Variants in CYP2C19 observed in about 807,000 individuals in gnomAD.
The protein encoded by CYP2C19 is cytochrome P450 family 2 subfamily C member 19, also known as cytochrome P450 2C19.
A neutral mutation model predicts 40.9 loss-of-function variants in CYP2C19; 59 were observed. That is an observed-to-expected ratio of 1.44 (90% CI 1.17 to 1.79). The LOEUF is 1.79. CYP2C19 is among the 40% of genes most tolerant of loss of function. The probability of loss-of-function intolerance (pLI) is 0.00; values close to 1 mark genes in which losing one functional copy is unlikely to be tolerated. For missense variants in CYP2C19, 754 were observed against 596.9 expected, an observed-to-expected ratio of 1.26 and a Z score of -2.74; for synonymous variants, 253 against 208.7, an observed-to-expected ratio of 1.21 and a Z score of -1.83.
rs547316679 is a variant in CYP2C19, at chr10:94,817,858, A to G, written c.820-2638A>G. On this transcript the variant is annotated intron_variant, in intron 5 of 8. Coordinates refer to ENST00000371321, the MANE Select transcript of CYP2C19 (RefSeq NM_000769.4). ...GAAACCCCGTCTCTACTAAAAATAC[A>G]AAAAATTAGCCGGGCGTAGTGGCGG... Among the ~76,000 whole-genome samples, 1,107 of 151,782 alleles carry G rather than the reference A, an allele frequency of 7.3e-3. 5 individuals carry two copies. The highest frequency in any genetic ancestry group is 0.027 in the South Asian group (128 of 4,798).
intron 5 of CYP2C19, among the ~76,000 whole-genome samples, chr10:94,793,901 G>T (rs890544601): frequency 1.3e-5 from 2 of 152,150 alleles, no homozygotes; most frequent in African/African-American, 4.8e-5. Flanking sequence ...AGATAGGGAC[G>T]TTTAAGTCTG....
chr10:94,788,303 G>A (rs1005069711), intron 5 of CYP2C19, among the ~76,000 whole-genome samples: 1 of 152,094 alleles, frequency 6.6e-6, no homozygotes, highest in African/African-American at 2.4e-5. Context: ...TTCTAGGCCT[G>A]AGATGGGTCT....
chr10:94,765,397 T>A (rs1406323566), intron 1 of CYP2C19, among the ~76,000 whole-genome samples: 1 of 152,056 alleles, frequency 6.6e-6, no homozygotes, highest in African/African-American at 2.4e-5. Context: ...AAGAAGAATA[T>A]ACCTTGGCTG....
At chr10:94,793,765 C>A (rs1240452100) in intron 5 of CYP2C19, among the ~76,000 whole-genome samples, 2 of 152,136 alleles carry the variant, frequency 1.3e-5, no homozygotes, top group Non-Finnish European at 2.9e-5. Flanking sequence ...TGTCAGTCGG[C>A]CCCTACTAGG....
At chr10:94,798,156 C>T (rs538573482) in intron 5 of CYP2C19, among the ~76,000 whole-genome samples, 3 of 152,242 alleles carry the variant, frequency 2.0e-5, no homozygotes, top group Non-Finnish European at 4.4e-5. Flanking sequence ...CTACACACTG[C>T]TTTAAATGTG....
chr10:94,770,312 G>C (rs1195675159), intron 1 of CYP2C19, among the ~76,000 whole-genome samples: 2 of 152,086 alleles, frequency 1.3e-5, no homozygotes, highest in African/African-American at 4.8e-5. Context: ...ATGGGTGAGG[G>C]GGTGGCTTGT....
At chr10:94,779,618 T>C (rs1403955612) in intron 3 of CYP2C19, among the ~76,000 whole-genome samples, 2 of 150,372 alleles carry the variant, frequency 1.3e-5, no homozygotes, top group African/African-American at 4.9e-5. Context: ...TGAAGTGCAC[T>C]TGTGTGATAT....
intron 6 of CYP2C19, among the ~76,000 whole-genome samples, chr10:94,830,167 C>G (rs1849308734): frequency 6.6e-6 from 1 of 152,234 alleles, no homozygotes; most frequent in Admixed American, 6.5e-5. Context: ...CCTCCTTGAG[C>G]TGTGGTGGGC....
At chr10:94,828,250 G>A (rs1218761937) in intron 6 of CYP2C19, among the ~76,000 whole-genome samples, 7 of 151,064 alleles carry the variant, frequency 4.6e-5, no homozygotes, top group Non-Finnish European at 8.9e-5. Flanking sequence ...TCTGTCTAAT[G>A]TTGACAGTGG....
At chr10:94,841,649 G>A (rs1256769048) in intron 6 of CYP2C19, among the ~76,000 whole-genome samples, 1 of 152,096 alleles carries the variant, frequency 6.6e-6, no homozygotes, top group Non-Finnish European at 1.5e-5. Flanking sequence ...TTTCCTCTTA[G>A]TACTGGTTTT....
At chr10:94,781,703 A>T (rs1260008659) in intron 4 of CYP2C19, 118 bp from the exon 5 acceptor site, 1 of 423,548 alleles carries the variant, frequency 2.4e-6, no homozygotes, top group African/African-American at 2.1e-5. Context: ...TTTCCCCATC[A>T]AGATATACAA....
intron 5 of CYP2C19, among the ~76,000 whole-genome samples, chr10:94,818,498 A>T (rs1419728802): frequency 6.7e-6 from 1 of 148,572 alleles, no homozygotes; most frequent in Non-Finnish European, 1.5e-5. Context: ...CCATTTTCAC[A>T]ATATTGATTC....
chr10:94,828,487 C>T (rs1273988424), intron 6 of CYP2C19, among the ~76,000 whole-genome samples: 5 of 144,622 alleles, frequency 3.5e-5, no homozygotes, highest in Non-Finnish European at 6.1e-5. Flanking sequence ...GATTGCAACC[C>T]CTGCCTTTTT....
At chr10:94,767,727 G>A (rs892116740) in intron 1 of CYP2C19, among the ~76,000 whole-genome samples, 1 of 152,134 alleles carries the variant, frequency 6.6e-6, no homozygotes. Context: ...TGAAAAGTTT[G>A]GAGGAGGGTT....
chr10:94,768,614 C>T (rs1272377353), intron 1 of CYP2C19, among the ~76,000 whole-genome samples: 1 of 152,122 alleles, frequency 6.6e-6, no homozygotes, highest in Non-Finnish European at 1.5e-5. Flanking sequence ...CATGAGTAGT[C>T]CAGACAGTGA....
intron 5 of CYP2C19, among the ~76,000 whole-genome samples, chr10:94,789,925 T>G (rs1848585240): frequency 6.6e-6 from 1 of 152,158 alleles, no homozygotes; most frequent in Admixed American, 6.5e-5. Flanking sequence ...ATCTATAACT[T>G]ACCTTGGGCA....
intron 5 of CYP2C19, among the ~76,000 whole-genome samples, chr10:94,784,588 A>T (rs1315888029): frequency 3.3e-5 from 5 of 151,972 alleles, no homozygotes; most frequent in Non-Finnish European, 7.4e-5. Flanking sequence ...CCTCCTAGTG[A>T]ATGTAAAGTG....
At chr10:94,826,585 A>C (rs1192480284) in intron 6 of CYP2C19, among the ~76,000 whole-genome samples, 1 of 152,228 alleles carries the variant, frequency 6.6e-6, no homozygotes, top group South Asian at 2.1e-4. Flanking sequence ...TTCTAGATAT[A>C]CAATCATGTC....
At chr10:94,783,369 C>T (rs1443656370) in intron 5 of CYP2C19, among the ~76,000 whole-genome samples, 2 of 151,864 alleles carry the variant, frequency 1.3e-5, no homozygotes, top group Non-Finnish European at 2.9e-5. Context: ...GGTTGGAATG[C>T]TTTACATGGA....
Sources: allele counts gnomAD v4.1 joint callset (sites outside exome capture counted in the v4.1 genomes callset), GRCh38; gene constraint gnomAD v4.1.1; transcripts MANE v1.5; gene names NCBI Gene and HGNC (gene_info 2026-07-23, HGNC 2026-07-21).